Variants in KCNAB2 observed in about 807,000 individuals in gnomAD.
KCNAB2 encodes potassium voltage-gated channel subfamily A regulatory beta subunit 2.
In KCNAB2, 29 loss-of-function variants were observed where a neutral mutation model predicts 63.6. That is an observed-to-expected ratio of 0.46 (90% CI 0.34 to 0.62). The LOEUF is 0.62. Among genes scored for constraint, KCNAB2 ranks in the 20% least tolerant of loss-of-function variants. The probability of loss-of-function intolerance (pLI) is 0.01; values close to 1 mark genes in which losing one functional copy is unlikely to be tolerated. For synonymous variants in KCNAB2, 222 were observed against 224.2 expected (o/e 0.99, Z 0.09); for missense variants, 359 against 563.9 (o/e 0.64, Z 3.68).
chr1:6,020,239 A>G (rs567294125), intron 1 of KCNAB2, among the ~76,000 whole-genome samples: 22 of 152,334 alleles, frequency 1.4e-4, no homozygotes, highest in Non-Finnish European at 3.1e-4. Context: ...TATGTTGTAG[A>G]AATAGCTAGA....
chr1:6,046,508 G>A (rs759627445), intron 1 of KCNAB2, among the ~76,000 whole-genome samples: 16 of 152,230 alleles, frequency 1.1e-4, no homozygotes, highest in South Asian at 4.1e-4. Flanking sequence ...CTCGTACCTC[G>A]CTGTGTTCAC....
intron 1 of KCNAB2, among the ~76,000 whole-genome samples, chr1:6,048,943 G>A (rs1377367537): frequency 6.6e-6 from 1 of 152,222 alleles, no homozygotes. Flanking sequence ...CCTGGAGTCC[G>A]GGCCTCTCTG....
At chr1:6,060,680 G>A (rs537677327) in intron 2 of KCNAB2, among the ~76,000 whole-genome samples, 121 of 152,102 alleles carry the variant, frequency 8.0e-4, no homozygotes, top group East Asian at 7.8e-4. Flanking sequence ...GGCAGGTGGC[G>A]GATCACAAGG....
At position 6,081,134 on chromosome 1, in the gene KCNAB2, G is replaced by A. The variant is rs145926878; in HGVS notation, c.301-1061G>A. Among the ~76,000 whole-genome samples, 541 of 152,302 alleles carry A rather than the reference G, an allele frequency of 3.6e-3. 1 individual carries two copies. The highest frequency in any genetic ancestry group is 0.014 in the Middle Eastern group (4 of 294). On this transcript the variant is annotated intron_variant, in intron 4 of 15. Transcript: ENST00000378083. Reference sequence around the variant, plus strand: ...AGTTCTTTGCTCATGGAGCACAATCGCGTCCTGACAGCAGCCATGGAGCAA... The same window carrying A: ...AGTTCTTTGCTCATGGAGCACAATCACGTCCTGACAGCAGCCATGGAGCAA...
upstream of KCNAB2, among the ~76,000 whole-genome samples, chr1:6,032,456 A>G (rs772765593): frequency 1.3e-5 from 2 of 152,080 alleles, no homozygotes; most frequent in Non-Finnish European, 2.9e-5. Flanking sequence ...ACGCGCCTGT[A>G]GTCCCAGCTA....
chr1:6,089,007 G>C lies in KCNAB2; in HGVS notation c.471-1G>C. 1 of 1,548,008 alleles carries C rather than the reference G, an allele frequency of 6.5e-7. No homozygotes were observed. Among genetic ancestry groups the C allele is most frequent in the Non-Finnish European group, 8.7e-7 (1 of 1,145,668 alleles). On this transcript the variant is annotated splice_acceptor_variant, in intron 7 of 15. Coordinates refer to ENST00000378083, the MANE Select transcript of KCNAB2 (RefSeq NM_001199862.2). LOFTEE classifies it high-confidence loss of function. ...TCACACGCGGTCGGCCTGTTTTCCA[G>C]GGCGGAGACGGAGCGGGGCCTGTCC...
At chr1:6,057,982 C>T (rs1054703265) in intron 2 of KCNAB2, among the ~76,000 whole-genome samples, 2 of 152,160 alleles carry the variant, frequency 1.3e-5, no homozygotes, top group African/African-American at 4.8e-5. Context: ...AAAACTCTGT[C>T]TCTACAAAAA....
In KCNAB2 at chr1:6,078,175, C is replaced by T. The variant is rs949631471; in HGVS notation, c.301-4020C>T. Among the ~76,000 whole-genome samples, 4 of 152,352 alleles carry T rather than the reference C, an allele frequency of 2.6e-5. No individual in the cohort carries two copies. Among genetic ancestry groups the T allele is most frequent in the East Asian group, 1.9e-4 (1 of 5,180 alleles). ...TTCCTTGGCCTGTGCCCGCATCCCCCAGTCTCTGCCCCTGTGGATACTCTC... is the reference window on the plus strand; with the variant it reads ...TTCCTTGGCCTGTGCCCGCATCCCCTAGTCTCTGCCCCTGTGGATACTCTC... On this transcript the variant is annotated intron_variant, in intron 4 of 15. Coordinates refer to ENST00000378083, the MANE Select transcript of KCNAB2 (RefSeq NM_001199862.2). This position sits in a 1 kb window ranked among gnomAD's most constrained non-coding sequence, Gnocchi z 4.2.
chr1:6,010,431 TA>T (rs1222210963), intron 1 of KCNAB2, among the ~76,000 whole-genome samples: 2 of 151,924 alleles, frequency 1.3e-5, no homozygotes, highest in Non-Finnish European at 2.9e-5. Context: ...CTCCGGCCCT[TA>T]AAAAAATAAA....
chr1:6,099,792 C>T lies in KCNAB2; in HGVS notation c.*1218C>T. On this transcript the variant is annotated 3_prime_UTR_variant, in exon 16 of 16. Transcript: ENST00000378083. ...AAAGACGGGCAGGGCTGGTTAGCCC[C>T]TCCCACTGCCTGACACCTGGGACAG... 1 of 1,501,374 alleles carries T rather than the reference C, an allele frequency of 6.7e-7. No individual in the cohort carries two copies. Among genetic ancestry groups the T allele is most frequent in the Non-Finnish European group, 8.9e-7 (1 of 1,123,000 alleles). The allele number at this position is 1,501,374 out of a possible 1,614,324, so 93.0% of individuals were successfully genotyped here.
chr1:6,080,895 T>A (rs144524146), intron 4 of KCNAB2, among the ~76,000 whole-genome samples: 362 of 152,180 alleles, frequency 2.4e-3, no homozygotes, highest in Middle Eastern at 0.017. Flanking sequence ...TGTCCTATGG[T>A]TTTTGAGGGT....
At position 6,099,666 on chromosome 1, in the gene KCNAB2, TAAGG is replaced by T. The variant is rs1475180125; in HGVS notation, c.*1097_*1100del. ...GGAGCGCATGCTTGGACCCTTTCAG[TAAGG>T]AAGGGTCTTTGGGGTTTTCTGTGCC... On this transcript the variant is annotated 3_prime_UTR_variant, in exon 16 of 16. Transcript: ENST00000378083. 1 of 1,214,652 alleles carries T rather than the reference TAAGG, an allele frequency of 8.2e-7. No individual in the cohort carries two copies. The highest frequency in any genetic ancestry group is 1.5e-5 in the African/African-American group (1 of 65,436). 75.2% of individuals were successfully genotyped at this position (1,214,652 alleles called of 1,614,324 possible).
intron 2 of KCNAB2, among the ~76,000 whole-genome samples, chr1:6,065,959 G>C (rs554015372): frequency 1.4e-4 from 22 of 152,320 alleles, no homozygotes; most frequent in Admixed American, 1.4e-3. Flanking sequence ...TTGGCTTCTG[G>C]ATAAAGTCTC....
At chr1:6,027,961 C>T (rs1659316510) in intron 1 of KCNAB2, among the ~76,000 whole-genome samples, 1 of 152,236 alleles carries the variant, frequency 6.6e-6, no homozygotes, top group African/African-American at 2.4e-5. Flanking sequence ...ATTTCTTTGG[C>T]TGCATCTGAG....
chr1:6,053,305 C>T (rs1002153046), intron 2 of KCNAB2, among the ~76,000 whole-genome samples: 3 of 152,114 alleles, frequency 2.0e-5, no homozygotes, highest in African/African-American at 4.8e-5. Flanking sequence ...TGGCACCAGG[C>T]GCTGAGCCAG....
chr1:6,015,309 C>T (rs571766058), intron 1 of KCNAB2, among the ~76,000 whole-genome samples: 168 of 152,144 alleles, frequency 1.1e-3, no homozygotes, highest in Admixed American at 2.1e-3. Flanking sequence ...AGATTACAGG[C>T]GTGAGCCCCT....
chr1:6,099,124 CAG>C lies in KCNAB2; in HGVS notation c.*551_*552del, dbSNP rs1665870563. 6.5e-6 allele frequency: 1 copy of C among 152,958 alleles called. No individual in the cohort carries two copies. Among genetic ancestry groups the C allele is most frequent in the South Asian group, 2.1e-4 (1 of 4,852 alleles). The allele number at this position is 152,958 out of a possible 1,614,324, so 9.5% of individuals were successfully genotyped here. On this transcript the variant is annotated 3_prime_UTR_variant, in exon 16 of 16. Transcript: ENST00000378083. The stretch of plus-strand genomic sequence containing the variant: ...TCCACCTCCCACTTTCCAAGGGCTC[CAG>C]GAATCTGGGGCCTGACCACAGATTC...
At chr1:6,090,028 G>C (rs146588081) in intron 8 of KCNAB2, among the ~76,000 whole-genome samples, 1 of 152,214 alleles carries the variant, frequency 6.6e-6, no homozygotes, top group Non-Finnish European at 1.5e-5. Context: ...TTGATGGGAC[G>C]GGCAGCAGGT....
chr1:6,063,409 ATTTT>A lies in KCNAB2; in HGVS notation c.219-9331_219-9328del, dbSNP rs34378538. Among the ~76,000 whole-genome samples the A allele has an allele frequency of 3.8e-3, 524 of 137,762 alleles. 2 individuals carry two copies. Among genetic ancestry groups the A allele is most frequent in the African/African-American group, 0.013 (494 of 38,214 alleles). 90.4% of individuals were successfully genotyped at this position (137,762 alleles called of 152,430 possible). On this transcript the variant is annotated intron_variant, in intron 2 of 15. Coordinates refer to ENST00000378083, the MANE Select transcript of KCNAB2 (RefSeq NM_001199862.2). ...AGGTTCATCTGTGCCTGTGCCAGTA[ATTTT>A]TTTTTTTTTTTTTTGAGACAGAGTC...
Sources: allele counts gnomAD v4.1 joint callset (sites outside exome capture counted in the v4.1 genomes callset), GRCh38; gene constraint gnomAD v4.1.1; non-coding constraint Gnocchi (gnomAD v3.1); transcripts MANE v1.5; gene names NCBI Gene and HGNC (gene_info 2026-07-23, HGNC 2026-07-21).